ZNF678: variants seen among roughly 807,000 people sequenced by gnomAD.
ZNF678 encodes zinc finger protein 678.
ZNF678 carries 5 observed loss-of-function variants against 3.0 expected under a neutral mutation model. That is an observed-to-expected ratio of 1.69 (90% CI 0.88 to 3.56). The LOEUF is 3.56. Ranked by LOEUF, ZNF678 falls within the 30% of genes most tolerant of loss-of-function variation. ZNF678 has a pLI of 0.00. For missense variants in ZNF678, 593 were observed against 605.0 expected, an observed-to-expected ratio of 0.98 and a Z score of 0.21; for synonymous variants, 218 against 199.6, an observed-to-expected ratio of 1.09 and a Z score of -0.78.
chr1:227,665,190 AC>A (rs768191501), downstream of ZNF678, among the ~76,000 whole-genome samples: 28 of 152,326 alleles, frequency 1.8e-4, no homozygotes, highest in Non-Finnish European at 3.8e-4. Flanking sequence ...AGCGTGGACT[AC>A]AGCTCAAACA....
intron 1 of ZNF678, among the ~76,000 whole-genome samples, chr1:227,566,057 G>A (rs1656676878): frequency 6.6e-6 from 1 of 152,178 alleles, no homozygotes; most frequent in African/African-American, 2.4e-5. Context: ...CACCGCGCCC[G>A]GCTCCTCAGC....
At chr1:227,617,069 C>T (rs1323020853) in intron 1 of ZNF678, among the ~76,000 whole-genome samples, 1 of 152,168 alleles carries the variant, frequency 6.6e-6, no homozygotes, top group African/African-American at 2.4e-5. Context: ...GAATGACATG[C>T]TAACCTTTAG....
At chr1:227,666,820 C>T (rs1470568008), downstream of ZNF678, among the ~76,000 whole-genome samples, 1 of 146,674 alleles carries the variant, frequency 6.8e-6, no homozygotes, top group Non-Finnish European at 1.5e-5. Flanking sequence ...TCTTGGCTCA[C>T]TCCAACCTCC....
chr1:227,581,573 A>C (rs1177096143), intron 1 of ZNF678, among the ~76,000 whole-genome samples: 1 of 152,216 alleles, frequency 6.6e-6, no homozygotes, highest in Non-Finnish European at 1.5e-5. Context: ...CAACATTCTT[A>C]GTGGCGCATT....
In ZNF678 at chr1:227,642,382, G is replaced by C. The variant is rs149655119; in HGVS notation, c.-163-4162G>C. On this transcript the variant is annotated intron_variant, in intron 1 of 3. Coordinates refer to ENST00000343776, the MANE Select transcript of ZNF678 (RefSeq NM_001367909.1). The stretch of plus-strand genomic sequence containing the variant: ...GGAGAGTAAAGCCTACCTTCAGCAG[G>C]ACCTGGAAGAATCTTTAAGTGTAAA... Among the ~76,000 whole-genome samples, 493 of 152,266 alleles carry C rather than the reference G, an allele frequency of 3.2e-3. 2 individuals carry two copies. Among genetic ancestry groups the C allele is most frequent in the African/African-American group, 0.011 (469 of 41,548 alleles).
At chr1:227,581,187 A>AAGTATT (rs1657120937) in intron 1 of ZNF678, among the ~76,000 whole-genome samples, 1 of 151,896 alleles carries the variant, frequency 6.6e-6, no homozygotes, top group African/African-American at 2.4e-5. Flanking sequence ...TTGCTAAGAA[A>AAGTATT]AGTATTAGGG....
intron 1 of ZNF678, among the ~76,000 whole-genome samples, chr1:227,607,725 T>A (rs1488236461): frequency 2.0e-5 from 3 of 147,396 alleles, no homozygotes; most frequent in Non-Finnish European, 4.5e-5. Context: ...TTTTATAATA[T>A]GTATTTTATA....
At position 227,655,984 on chromosome 1, in the gene ZNF678, T is replaced by G. The variant is rs979878919; in HGVS notation, c.*156T>G. ...TAAATATAAAAGATTACAATATCTTTATTTCAAAGATCTTCCTGTAAACAG... is the reference window on the plus strand; with the variant it reads ...TAAATATAAAAGATTACAATATCTTGATTTCAAAGATCTTCCTGTAAACAG... On this transcript the variant is annotated 3_prime_UTR_variant, in exon 4 of 4. Coordinates refer to ENST00000343776, the MANE Select transcript of ZNF678 (RefSeq NM_001367909.1). 27 of 534,598 alleles carry G rather than the reference T, an allele frequency of 5.1e-5. No homozygotes were observed. Among genetic ancestry groups the G allele is most frequent in the Admixed American group, 2.3e-4 (6 of 26,180 alleles). The allele number at this position is 534,598 out of a possible 1,614,324, so 33.1% of individuals were successfully genotyped here.
At position 227,563,734 on chromosome 1, in the gene ZNF678, C is replaced by T; in HGVS notation, c.-164+10C>T. On this transcript the variant is annotated intron_variant, in intron 1 of 3. Coordinates refer to ENST00000343776, the MANE Select transcript of ZNF678 (RefSeq NM_001367909.1). Reference sequence around the variant, plus strand: ...CGAAAGCCGGAAAACGGTGAGAGTTCCCGGGAGGGTGTTCCAAGATGGCGG... The same window carrying T: ...CGAAAGCCGGAAAACGGTGAGAGTTTCCGGGAGGGTGTTCCAAGATGGCGG... 4 of 1,319,772 alleles carry T rather than the reference C, an allele frequency of 3.0e-6. No homozygotes were observed. The highest frequency in any genetic ancestry group is 4.0e-6 in the Non-Finnish European group (4 of 996,420). 81.8% of individuals were successfully genotyped at this position (1,319,772 alleles called of 1,614,324 possible). A position where few individuals can be genotyped will look rare whatever the true frequency, so the allele number is the denominator to read the frequency against.
At position 227,655,585 on chromosome 1, in the gene ZNF678, C is replaced by T; in HGVS notation, c.1335C>T (p.Ser445=). The part of the protein sequence containing the change: ...CKECGKAFYQ[S]SILSKHKRIH... ...AATGTGGCAAAGCTTTTTACCAATC[C>T]TCAATCCTTAGTAAGCATAAGAGAA... Residue 445 remains serine (S), a synonymous_variant, in exon 4 of 4, where the codon TCC becomes TCT. Transcript: ENST00000343776. 6.2e-7 allele frequency: 1 copy of T among 1,612,090 alleles called. No homozygotes were observed. Among genetic ancestry groups the T allele is most frequent in the South Asian group, 1.1e-5 (1 of 91,008 alleles).
At position 227,644,104 on chromosome 1, in the gene ZNF678, A is replaced by T. The variant is rs1658896539; in HGVS notation, c.-163-2440A>T. The stretch of plus-strand genomic sequence containing the variant: ...GGTCTCGAACTCTGGACCTTAGGTG[A>T]TCCGCCCGCCTCAGCCTCCCAAAGT... On this transcript the variant is annotated intron_variant, in intron 1 of 3. Coordinates refer to ENST00000343776, the MANE Select transcript of ZNF678 (RefSeq NM_001367909.1). 2.0e-5 allele frequency among the ~76,000 whole-genome samples: 3 copies of T among 151,866 alleles called. No homozygotes were observed. In the South Asian group the frequency reaches 6.3e-4, roughly 32 times the overall value.
At chr1:227,569,880 G>A (rs79876722) in intron 1 of ZNF678, among the ~76,000 whole-genome samples, 46 of 148,388 alleles carry the variant, frequency 3.1e-4, no homozygotes, top group Non-Finnish European at 3.5e-4. Flanking sequence ...TGTGCATTTG[G>A]AGGAGCAAAC....
intron 1 of ZNF678, among the ~76,000 whole-genome samples, chr1:227,586,329 G>A (rs1294005589): frequency 6.6e-6 from 1 of 152,116 alleles, no homozygotes; most frequent in Non-Finnish European, 1.5e-5. Context: ...ATTAAACTAA[G>A]CCTTTAAATC....
At chr1:227,629,266 C>T (rs971238518) in intron 1 of ZNF678, among the ~76,000 whole-genome samples, 7 of 152,190 alleles carry the variant, frequency 4.6e-5, no homozygotes, top group African/African-American at 1.2e-4. Flanking sequence ...ATTCTTTACT[C>T]GTCCATATTG....
intron 1 of ZNF678, among the ~76,000 whole-genome samples, chr1:227,575,493 T>G (rs1292772115): frequency 6.6e-6 from 1 of 152,174 alleles, no homozygotes; most frequent in Non-Finnish European, 1.5e-5. Context: ...GATGTTACTC[T>G]TTTTTGTGGC....
intron 1 of ZNF678, among the ~76,000 whole-genome samples, chr1:227,580,227 T>G (rs538578012): frequency 6.6e-6 from 1 of 152,112 alleles, no homozygotes; most frequent in South Asian, 2.1e-4. Context: ...TCAGCGCCTT[T>G]CCTCTGAAGA....
In ZNF678 at chr1:227,572,719, T is replaced by C. The variant is rs548556374; in HGVS notation, c.-164+8995T>C. On this transcript the variant is annotated intron_variant, in intron 1 of 3. Coordinates refer to ENST00000343776, the MANE Select transcript of ZNF678 (RefSeq NM_001367909.1). ...GCCCCAAGTGTGCTGGACAACTCAC[T>C]AGCCATGGAAAGAGCCTGGTTCCTT... Among the ~76,000 whole-genome samples the C allele has an allele frequency of 5.3e-5, 8 of 152,332 alleles. No homozygotes were observed. In the South Asian group the frequency reaches 1.4e-3, roughly 28 times the overall value.
rs1036785103 is a variant in ZNF678 at position 227,565,716 on chromosome 1, C to G, written c.-164+1992C>G. On this transcript the variant is annotated intron_variant, in intron 1 of 3. Coordinates refer to ENST00000343776, the MANE Select transcript of ZNF678 (RefSeq NM_001367909.1). ...ACGCCTTGTACAAAATCTTTGAAAA[C>G]TTTGGAAACTTTACAGCTGGTTGTA... Among the ~76,000 whole-genome samples, 4 of 152,198 alleles carry G rather than the reference C, an allele frequency of 2.6e-5. No individual in the cohort carries two copies. In the East Asian group the frequency reaches 7.7e-4, roughly 29 times the overall value.
Position 227,656,760 on chromosome 1 carries a change from G to A in ZNF678, c.*932G>A, listed in dbSNP as rs1045571481. 6.6e-6 allele frequency: 1 copy of A among 152,044 alleles called. No homozygotes were observed. Among genetic ancestry groups the A allele is most frequent in the African/African-American group, 2.4e-5 (1 of 41,534 alleles). The allele number at this position is 152,044 out of a possible 1,614,324, so 9.4% of individuals were successfully genotyped here. A position where few individuals can be genotyped will look rare whatever the true frequency, so the allele number is the denominator to read the frequency against. Reference sequence around the variant, plus strand: ...AATTGTTTTATGAGTTGCACATTAAGATAATACAGTAGCTTTTGAAATGTT... The same window carrying A: ...AATTGTTTTATGAGTTGCACATTAAAATAATACAGTAGCTTTTGAAATGTT... On this transcript the variant is annotated 3_prime_UTR_variant, in exon 4 of 4. Transcript: ENST00000343776.
Sources: allele counts gnomAD v4.1 joint callset (sites outside exome capture counted in the v4.1 genomes callset), GRCh38; gene constraint gnomAD v4.1.1; transcripts MANE v1.5; gene names NCBI Gene and HGNC (gene_info 2026-07-23, HGNC 2026-07-21).